ABCB1: variants seen among roughly 807,000 people sequenced by gnomAD.
The protein encoded by ABCB1 is ATP binding cassette subfamily B member 1.
A neutral mutation model predicts 142.0 loss-of-function variants in ABCB1; 69 were observed. The observed-to-expected ratio is 0.49, with a 90% CI of 0.40 to 0.59. The LOEUF (loss-of-function observed/expected upper bound fraction) is 0.59, where lower values mean the gene tolerates loss of function less well. Ranked by LOEUF, ABCB1 falls within the 20% of genes least tolerant of loss-of-function variation. The pLI, the probability that ABCB1 is intolerant of heterozygous loss-of-function variation, is 0.00. For missense variants in ABCB1, 1,326 were observed against 1,554.7 expected (o/e 0.85, Z 2.47); for synonymous variants, 532 against 539.2 (o/e 0.99, Z 0.18).
At chr7:87,567,024 T>G in intron 5 of ABCB1, 48 bp from the exon 6 acceptor site, 1 of 1,571,410 alleles carries the variant, frequency 6.4e-7, no homozygotes, top group Non-Finnish European at 8.8e-7. Context: ...TCCTAATCAA[T>G]GTACCTTTTC....
intron 1 of ABCB1, among the ~76,000 whole-genome samples, chr7:87,618,348 G>C (rs925793066): frequency 6.6e-6 from 1 of 152,092 alleles, no homozygotes; most frequent in Non-Finnish European, 1.5e-5. Context: ...GTATAGCATA[G>C]TGTCTGTCAC....
rs1585137023 is a variant in ABCB1 at position 87,700,029 on chromosome 7, A to G, written c.-331+13132T>C. 3.3e-5 allele frequency among the ~76,000 whole-genome samples: 5 copies of G among 152,066 alleles called. 1 individual carries two copies. The highest frequency in any genetic ancestry group is 3.3e-4 in the Admixed American group (5 of 15,268). Reference sequence around the variant, plus strand: ...TTTTTTTCTGTTTTTTTAAATAGAGAAAGGTTTAGAATTCAATTGGTGACA... The same window carrying G: ...TTTTTTTCTGTTTTTTTAAATAGAGGAAGGTTTAGAATTCAATTGGTGACA... On this transcript the variant is annotated intron_variant, in intron 1 of 28. Coordinates refer to the ABCB1 transcript ENST00000265724.
At chr7:87,600,223 C>A (rs556715433) in intron 1 of ABCB1, 33 bp from the exon 2 acceptor site, 1 of 1,583,410 alleles carries the variant, frequency 6.3e-7, no homozygotes, top group South Asian at 1.1e-5. Context: ...TAGCCAAATG[C>A]ATGAGCCTCA....
chr7:87,551,539 T>C (rs879629984), intron 9 of ABCB1, among the ~76,000 whole-genome samples: 3 of 152,206 alleles, frequency 2.0e-5, no homozygotes, highest in African/African-American at 4.8e-5. Flanking sequence ...TTGCCCAGCC[T>C]GGACTGCAGT....
At chr7:87,618,106 G>A (rs2130083161) in intron 1 of ABCB1, among the ~76,000 whole-genome samples, 1 of 152,170 alleles carries the variant, frequency 6.6e-6, no homozygotes, top group South Asian at 2.1e-4. Flanking sequence ...ACCCTTGCAG[G>A]GCAAGAGTGT....
chr7:87,653,803 C>T (rs115711175), intron 1 of ABCB1, among the ~76,000 whole-genome samples: 163 of 152,028 alleles, frequency 1.1e-3, no homozygotes, highest in African/African-American at 3.8e-3. Flanking sequence ...CTTACTTAGT[C>T]TTCTGGCTTA....
intron 1 of ABCB1, among the ~76,000 whole-genome samples, chr7:87,693,190 G>C (rs997814301): frequency 6.6e-6 from 1 of 152,126 alleles, no homozygotes; most frequent in Non-Finnish European, 1.5e-5. Context: ...GAAAAATATA[G>C]CAGAAATTTC....
rs180842950 is a variant in ABCB1 at position 87,679,713 on chromosome 7, T to C, written c.-331+33448A>G. ...CCACCCCAACATTTATAATTAACAT[T>C]TATAAAATACTCCTCAGTGGCAGAA... is the stretch of plus-strand genomic sequence containing the variant. On this transcript the variant is annotated intron_variant, in intron 1 of 28. Transcript: ENST00000265724. Among the ~76,000 whole-genome samples, 3 of 150,320 alleles carry C rather than the reference T, an allele frequency of 2.0e-5. No individual in the cohort carries two copies. In the East Asian group the frequency reaches 6.0e-4, roughly 30 times the overall value.
chr7:87,703,907 T>TGG (rs1829335366), intron 1 of ABCB1, among the ~76,000 whole-genome samples: 1 of 108,172 alleles, frequency 9.2e-6, no homozygotes, highest in African/African-American at 3.7e-5. Context: ...TTTTTTTTTT[T>TGG]TTTTTGGTTT....
intron 4 of ABCB1, among the ~76,000 whole-genome samples, chr7:87,577,387 G>C (rs1243746328): frequency 1.3e-5 from 2 of 152,102 alleles, no homozygotes; most frequent in African/African-American, 4.8e-5. Context: ...GGGAGTGCAG[G>C]TTCGATATAC....
intron 1 of ABCB1, among the ~76,000 whole-genome samples, chr7:87,698,471 A>G (rs1828705779): frequency 6.6e-6 from 1 of 152,240 alleles, no homozygotes; most frequent in African/African-American, 2.4e-5. Context: ...GTTTTTATTT[A>G]TATAAAGAAA....
intron 4 of ABCB1, 136 bp from the exon 5 acceptor site, chr7:87,570,359 G>A: frequency 3.5e-6 from 3 of 861,992 alleles, no homozygotes; most frequent in Non-Finnish European, 3.9e-6. Context: ...TTTTAATTGT[G>A]TGTAAGCATT....
chr7:87,602,050 G>C (rs1428780415), upstream of ABCB1, among the ~76,000 whole-genome samples: 1 of 152,038 alleles, frequency 6.6e-6, no homozygotes, highest in East Asian at 1.9e-4. Flanking sequence ...CTGGAGTGCA[G>C]TGGCAGGATC....
At chr7:87,612,205 G>C (rs977174590) in intron 1 of ABCB1, among the ~76,000 whole-genome samples, 11 of 152,274 alleles carry the variant, frequency 7.2e-5, no homozygotes, top group Admixed American at 5.2e-4. Flanking sequence ...CTCCCATTCT[G>C]TAGGTTGTCT....
At chr7:87,546,101 T>G in intron 14 of ABCB1, 77 bp from the exon 15 acceptor site, 2 of 1,443,954 alleles carry the variant, frequency 1.4e-6, no homozygotes, top group Non-Finnish European at 1.9e-6. Context: ...ATATATTTAC[T>G]GAACCAATGC....
At chr7:87,692,580 G>T (rs1386227958) in intron 1 of ABCB1, among the ~76,000 whole-genome samples, 1 of 152,102 alleles carries the variant, frequency 6.6e-6, no homozygotes, top group South Asian at 2.1e-4. Context: ...TGCTTATTTG[G>T]TACATTTTTG....
intron 1 of ABCB1, among the ~76,000 whole-genome samples, chr7:87,711,165 C>A (rs2373574): frequency 0.093 from 14,120 of 151,658 alleles, 761 homozygotes; most frequent in African/African-American, 0.15. Context: ...CGTCTCTACT[C>A]AAAATACAAC....
chr7:87,556,450 G>A (rs1817313954), intron 8 of ABCB1, among the ~76,000 whole-genome samples: 1 of 152,210 alleles, frequency 6.6e-6, no homozygotes. Flanking sequence ...CTCCTGCACT[G>A]CTAATTTGAA....
At chr7:87,686,126 C>CT (rs1026357579) in intron 1 of ABCB1, among the ~76,000 whole-genome samples, 3 of 152,086 alleles carry the variant, frequency 2.0e-5, no homozygotes, top group African/African-American at 7.2e-5. Context: ...ATACTTTCTG[C>CT]TTTTTTTGGC....
Sources: allele counts gnomAD v4.1 joint callset (sites outside exome capture counted in the v4.1 genomes callset), GRCh38; gene constraint gnomAD v4.1.1; transcripts MANE v1.5; gene names NCBI Gene and HGNC (gene_info 2026-07-23, HGNC 2026-07-21).